Variants in HDC observed in about 807,000 individuals in gnomAD.
HDC encodes histidine decarboxylase.
In HDC, 27 loss-of-function variants were observed where a neutral mutation model predicts 64.4. That is an observed-to-expected ratio of 0.42 (90% CI 0.31 to 0.58). The LOEUF is 0.58. Among genes scored for constraint, HDC ranks in the 20% least tolerant of loss-of-function variants. The probability of loss-of-function intolerance (pLI) is 0.16; values close to 1 mark genes in which losing one functional copy is unlikely to be tolerated. For missense variants in HDC, 711 were observed against 833.9 expected (o/e 0.85, Z 1.81); for synonymous variants, 305 against 314.2 (o/e 0.97, Z 0.31).
chr15:50,245,414 G>GAT (rs2045467497), intron 10 of HDC, among the ~76,000 whole-genome samples: 1 of 152,102 alleles, frequency 6.6e-6, no homozygotes, highest in African/African-American at 2.4e-5. Context: ...TGATGATGAT[G>GAT]GTGATGATGA....
chr15:50,241,951 GTTTCAGGGACAAGCATAATTTA>G lies in HDC; in HGVS notation c.*287_*308del. ...AATTAAGTGACACAGGGTATGTTTTGTTTCAGGGACAAGCATAATTTATTTCTGTGTTATATATCATGTCACA... is the reference window on the plus strand; with the variant it reads ...AATTAAGTGACACAGGGTATGTTTTGTTTCTGTGTTATATATCATGTCACA... On this transcript the variant is annotated 3_prime_UTR_variant, in exon 12 of 12. Coordinates refer to ENST00000267845, the MANE Select transcript of HDC (RefSeq NM_002112.4). 2.2e-6 allele frequency: 1 copy of G among 450,994 alleles called. No homozygotes were observed. 27.9% of individuals were successfully genotyped at this position (450,994 alleles called of 1,614,324 possible).
chr15:50,254,411 C>T, intron 5 of HDC, 119 bp downstream of exon 5: 1 of 1,525,652 alleles, frequency 6.6e-7, no homozygotes, highest in Non-Finnish European at 9.1e-7. Flanking sequence ...GAGACAAGCT[C>T]CCATGTCTGA....
intron 4 of HDC, among the ~76,000 whole-genome samples, chr15:50,255,544 C>T (rs1387907847): frequency 1.3e-5 from 2 of 152,234 alleles, no homozygotes; most frequent in Admixed American, 1.3e-4. Context: ...TGCAGTGGCT[C>T]GCACCTGTAA....
intron 5 of HDC, 79 bp downstream of exon 5, chr15:50,254,451 T>C (rs530594440): frequency 6.2e-7 from 1 of 1,601,160 alleles, no homozygotes; most frequent in East Asian, 2.2e-5. Flanking sequence ...TACTCACGTC[T>C]AGAAAAAAAT....
chr15:50,243,049 T>C (rs1175813191), intron 11 of HDC, 43 bp from the exon 12 acceptor site: 4 of 1,614,084 alleles, frequency 2.5e-6, no homozygotes, highest in Non-Finnish European at 8.5e-7. Flanking sequence ...TCGCACCCCC[T>C]GTCAGCATCC....
chr15:50,264,166 TA>T (rs1204015172), intron 1 of HDC, among the ~76,000 whole-genome samples: 1 of 152,154 alleles, frequency 6.6e-6, no homozygotes. Flanking sequence ...CCAGTTCCGA[TA>T]AAGGACAAAA....
At chr15:50,256,197 A>G (rs1169402038) in intron 4 of HDC, among the ~76,000 whole-genome samples, 3 of 152,346 alleles carry the variant, frequency 2.0e-5, no homozygotes, top group Non-Finnish European at 2.9e-5. Flanking sequence ...GACATTTAGC[A>G]TGTTCTCCCA....
chr15:50,242,814 A>G lies in HDC; in HGVS notation c.1435T>C (p.Cys479Arg), dbSNP rs773400327. The G allele has an allele frequency of 1.2e-6, 2 of 1,614,000 alleles. No individual in the cohort carries two copies. Among genetic ancestry groups the G allele is most frequent in the African/African-American group, 1.3e-5 (1 of 74,908 alleles). The change falls in exon 12 of 12, where the codon TGT (cysteine) becomes CGT (arginine). Residue 479 changes from cysteine to arginine, a missense_variant. Physicochemically the swap from Cys to Arg is radical, Grantham distance 180 (BLOSUM62 -3). Coordinates refer to ENST00000267845, the MANE Select transcript of HDC (RefSeq NM_002112.4). ...DAATLILSQH[C>R]TSQPSPRVGN... ...ACCCGAGGGCTGGGTTGGGAAGTAC[A>G]GTGCTGACTCAGGATGAGAGTGGCA...
At position 50,242,326 on chromosome 15, in the gene HDC, G is replaced by A. The variant is rs775117169; in HGVS notation, c.1923C>T (p.Ser641=). ...KKLIKFYSVP[S]FPECSSQCGL... Reference sequence around the variant, plus strand: ...CACATTGAGAGCTGCATTCAGGAAAGCTGGGGACGCTGTAGAATTTGATGA... The same window carrying A: ...CACATTGAGAGCTGCATTCAGGAAAACTGGGGACGCTGTAGAATTTGATGA... The change falls in exon 12 of 12, where the codon AGC becomes AGT. Residue 641 remains serine, a synonymous_variant. Coordinates refer to ENST00000267845, the MANE Select transcript of HDC (RefSeq NM_002112.4). 5.0e-6 allele frequency: 8 copies of A among 1,614,186 alleles called. No homozygotes were observed. The highest frequency in any genetic ancestry group is 6.8e-6 in the Non-Finnish European group (8 of 1,180,026).
chr15:50,249,489 G>A (rs1445458296), intron 9 of HDC, among the ~76,000 whole-genome samples: 3 of 152,228 alleles, frequency 2.0e-5, no homozygotes. Flanking sequence ...GCACAGTTGG[G>A]ATGTTACCCC....
chr15:50,250,121 G>T (rs2045535393), intron 9 of HDC, among the ~76,000 whole-genome samples: 1 of 152,222 alleles, frequency 6.6e-6, no homozygotes, highest in South Asian at 2.1e-4. Context: ...CGCTGTCAGA[G>T]AATCTAGCCC....
intron 10 of HDC, among the ~76,000 whole-genome samples, chr15:50,244,061 C>T (rs2045443073): frequency 6.6e-6 from 1 of 152,192 alleles, no homozygotes; most frequent in African/African-American, 2.4e-5. Flanking sequence ...TAATCTTCCA[C>T]TGAAGTTCAT....
At chr15:50,253,988 A>C in intron 6 of HDC, 142 bp downstream of exon 6, 2 of 847,692 alleles carry the variant, frequency 2.4e-6, no homozygotes, top group Non-Finnish European at 3.9e-6. Flanking sequence ...ACCTATGGAT[A>C]GCACCTCATG....
intron 2 of HDC, among the ~76,000 whole-genome samples, chr15:50,259,903 G>A (rs2045680344): frequency 6.6e-6 from 1 of 152,124 alleles, no homozygotes; most frequent in African/African-American, 2.4e-5. Flanking sequence ...TAAGTCCAAG[G>A]ACACAAGTTC....
chr15:50,263,033 CAAAA>C (rs958987075), intron 2 of HDC, among the ~76,000 whole-genome samples, 198 bp downstream of exon 2: 4 of 150,636 alleles, frequency 2.7e-5, no homozygotes, highest in Non-Finnish European at 5.9e-5. Context: ...CACAACTGGG[CAAAA>C]AAAAAGAAAA....
chr15:50,254,051 A>T, intron 6 of HDC, 79 bp downstream of exon 6: 1 of 1,465,022 alleles, frequency 6.8e-7, no homozygotes, highest in Non-Finnish European at 9.5e-7. Flanking sequence ...GCAGCATGTT[A>T]CTTACCTGAA....
intron 9 of HDC, among the ~76,000 whole-genome samples, chr15:50,251,843 AAGAAAG>A (rs2045560148): frequency 1.3e-5 from 2 of 151,302 alleles, no homozygotes; most frequent in East Asian, 1.9e-4. Context: ...GAAAAAAAAA[AAGAAAG>A]AAAGAAAGAA....
Position 50,259,111 on chromosome 15 carries a change from A to G in HDC, c.205-594T>C, listed in dbSNP as rs1297121551. Among the ~76,000 whole-genome samples the G allele has an allele frequency of 2.0e-5, 3 of 152,092 alleles. No individual in the cohort carries two copies. In the South Asian group the frequency reaches 6.2e-4, roughly 32 times the overall value. ...CGGGAGGCTGAGCTTGCAGTGAGCCAAGATCGCTCCACTGCACTCCAGCCT... is the reference window on the plus strand; with the variant it reads ...CGGGAGGCTGAGCTTGCAGTGAGCCGAGATCGCTCCACTGCACTCCAGCCT... On this transcript the variant is annotated intron_variant, in intron 2 of 11. Transcript: ENST00000267845.
chr15:50,262,434 C>CCCCGCCACAGGAAGGGAGT (rs2045716081), intron 2 of HDC, among the ~76,000 whole-genome samples: 1 of 152,156 alleles, frequency 6.6e-6, no homozygotes, highest in Admixed American at 6.5e-5. Flanking sequence ...TGGCAGGGAG[C>CCCCGCCACAGGAAGGGAGT]CCCGCCACAG....
Sources: allele counts gnomAD v4.1 joint callset (sites outside exome capture counted in the v4.1 genomes callset), GRCh38; gene constraint gnomAD v4.1.1; transcripts MANE v1.5; gene names NCBI Gene and HGNC (gene_info 2026-07-23, HGNC 2026-07-21).